Variants in CSMD1 observed in about 807,000 individuals in gnomAD.
CSMD1 encodes the protein CUB and sushi domain-containing protein 1.
Under a neutral mutation model 417.5 loss-of-function variants are expected in CSMD1, and 213 were observed. The ratio of observed to expected loss-of-function variants is 0.51; its 90% CI spans 0.46 to 0.57. The LOEUF (loss-of-function observed/expected upper bound fraction) is 0.57. Ranked by LOEUF, CSMD1 falls within the 20% of genes least tolerant of loss-of-function variation. CSMD1 has a pLI of 0.00. For synonymous variants in CSMD1, 2,862 were observed against 1,736.8 expected (o/e 1.65, Z -16.11); for missense variants, 6,923 against 4,529.7 (o/e 1.53, Z -15.17).
At chr8:3,705,159 G>A (rs1392884197) in intron 7 of CSMD1, among the ~76,000 whole-genome samples, 1 of 152,210 alleles carries the variant, frequency 6.6e-6, no homozygotes, top group Admixed American at 6.5e-5. Flanking sequence ...GGACAGGGCA[G>A]TGGCAGGGGA....
At chr8:4,198,429 C>G (rs1585006754) in intron 3 of CSMD1, among the ~76,000 whole-genome samples, 1 of 152,102 alleles carries the variant, frequency 6.6e-6, no homozygotes, top group Non-Finnish European at 1.5e-5. Context: ...TATAGATAAG[C>G]CATACCTGTG....
At chr8:4,900,219 C>G (rs999292544) in intron 1 of CSMD1, among the ~76,000 whole-genome samples, 1 of 152,140 alleles carries the variant, frequency 6.6e-6, no homozygotes, top group Non-Finnish European at 1.5e-5. Context: ...TTGGGTGCCT[C>G]TATCTCCAAC....
chr8:3,812,813 A>G (rs964915452), intron 5 of CSMD1, among the ~76,000 whole-genome samples: 1 of 152,166 alleles, frequency 6.6e-6, no homozygotes, highest in Non-Finnish European at 1.5e-5. Context: ...CTTTCCTTTG[A>G]GGTTGCTAGG....
intron 41 of CSMD1, among the ~76,000 whole-genome samples, chr8:3,119,155 G>A (rs560658307): frequency 1.2e-3 from 180 of 151,904 alleles, no homozygotes; most frequent in African/African-American, 4.0e-3. Context: ...GCTCCAGCCC[G>A]GGCGACAGAG....
chr8:4,866,909 T>C (rs1272356382), intron 1 of CSMD1, among the ~76,000 whole-genome samples: 2 of 152,116 alleles, frequency 1.3e-5, no homozygotes, highest in South Asian at 2.1e-4. Flanking sequence ...TTATTTGCCA[T>C]TATTTTAATG....
intron 2 of CSMD1, among the ~76,000 whole-genome samples, chr8:4,431,858 G>C (rs1797888635): frequency 6.6e-6 from 1 of 151,848 alleles, no homozygotes; most frequent in South Asian, 2.1e-4. Context: ...CTATTTTCTT[G>C]GTGGAATAAA....
chr8:3,043,838 A>C (rs935717849), intron 50 of CSMD1: 2 of 152,488 alleles, frequency 1.3e-5, no homozygotes, highest in African/African-American at 4.8e-5. Context: ...GGCACTACCA[A>C]AAAAATGCAA....
intron 3 of CSMD1, among the ~76,000 whole-genome samples, chr8:4,268,060 A>T (rs1192446771): frequency 8.5e-5 from 13 of 152,272 alleles, no homozygotes; most frequent in Admixed American, 2.6e-4. Context: ...TCACAATTTC[A>T]AAATCCTCGC....
Position 4,288,219 on chromosome 8 carries a change from C to A in CSMD1, c.415+131734G>T, listed in dbSNP as rs774377743. Reference sequence around the variant, plus strand: ...ACTGCAGTGGATGGATTCGTCCACTCAGGGCCTGGCAGTGCTGGGTGCCTT... The same window carrying A: ...ACTGCAGTGGATGGATTCGTCCACTAAGGGCCTGGCAGTGCTGGGTGCCTT... On this transcript the variant is annotated intron_variant, in intron 3 of 69. Coordinates refer to ENST00000635120, the MANE Select transcript of CSMD1 (RefSeq NM_033225.6). 3.9e-5 allele frequency among the ~76,000 whole-genome samples: 6 copies of A among 152,224 alleles called. No individual in the cohort carries two copies. The South Asian group carries it at 1.0e-3, about 26-fold the overall frequency.
intron 11 of CSMD1, among the ~76,000 whole-genome samples, chr8:3,490,163 G>A (rs1341629724): frequency 6.6e-6 from 1 of 152,184 alleles, no homozygotes; most frequent in Non-Finnish European, 1.5e-5. Flanking sequence ...ATATATCAGT[G>A]GCTTTTCTTT....
intron 1 of CSMD1, among the ~76,000 whole-genome samples, chr8:4,983,941 GC>G (rs558327618): frequency 3.3e-5 from 5 of 152,206 alleles, no homozygotes; most frequent in African/African-American, 1.2e-4. Context: ...CTCCTCAATG[GC>G]GAGAAAACTG....
chr8:4,571,890 T>C (rs2927553), intron 2 of CSMD1, among the ~76,000 whole-genome samples: 61,675 of 152,052 alleles, frequency 0.41, 13,183 homozygotes, highest in East Asian at 0.54. Context: ...GCCCTTGTCT[T>C]TTTGGATCTT....
intron 11 of CSMD1, among the ~76,000 whole-genome samples, chr8:3,475,895 A>G (rs759306318): frequency 6.6e-5 from 10 of 152,214 alleles, no homozygotes; most frequent in Non-Finnish European, 1.3e-4. Flanking sequence ...AGTGTTCTTG[A>G]AAGCTTAATG....
At chr8:4,742,220 CG>C (rs1563267275) in intron 1 of CSMD1, among the ~76,000 whole-genome samples, 6 of 150,498 alleles carry the variant, frequency 4.0e-5, no homozygotes, top group African/African-American at 1.5e-4. Context: ...TTAGTAGAGA[CG>C]GGGTTTCACC....
intron 3 of CSMD1, among the ~76,000 whole-genome samples, chr8:4,068,280 C>A (rs769145594): frequency 2.6e-5 from 4 of 152,052 alleles, no homozygotes; most frequent in Non-Finnish European, 4.4e-5. Context: ...GTTGAGAAGT[C>A]TACTTTGTAG....
intron 1 of CSMD1, among the ~76,000 whole-genome samples, chr8:4,767,382 C>G (rs1371635650): frequency 6.6e-6 from 1 of 152,116 alleles, no homozygotes; most frequent in African/African-American, 2.4e-5. Flanking sequence ...AACATAATCC[C>G]TTTCTTTTTA....
intron 11 of CSMD1, among the ~76,000 whole-genome samples, chr8:3,485,538 C>CACACACACACACAGAGAG (rs376214281): frequency 3.0e-5 from 4 of 134,922 alleles, no homozygotes; most frequent in African/African-American, 8.8e-5. Context: ...CACACACACA[C>CACACACACACACAGAGAG]AGAGAGAGAG....
intron 10 of CSMD1, among the ~76,000 whole-genome samples, chr8:3,549,649 A>T (rs1207297575): frequency 6.6e-6 from 1 of 152,172 alleles, no homozygotes; most frequent in African/African-American, 2.4e-5. Flanking sequence ...GCATGATGGG[A>T]GAAATCTAGG....
chr8:2,965,229 T>C (rs952460994), intron 59 of CSMD1, among the ~76,000 whole-genome samples: 4 of 152,168 alleles, frequency 2.6e-5, no homozygotes, highest in African/African-American at 4.8e-5. Flanking sequence ...GTTGAGCCTG[T>C]CTTGATTTGC....
Sources: gnomAD v4.1 joint callset for allele counts (sites outside exome capture counted in the v4.1 genomes callset) on GRCh38, gnomAD v4.1.1 for gene constraint, MANE v1.5 for transcripts, NCBI Gene and HGNC (gene_info 2026-07-23, HGNC 2026-07-21) for gene names.